GUCY1A2: variants seen among roughly 807,000 people sequenced by gnomAD.
GUCY1A2 encodes guanylate cyclase 1 soluble subunit alpha 2, also known as guanylate cyclase soluble subunit alpha-2.
GUCY1A2 carries 27 observed loss-of-function variants against 63.5 expected under a neutral mutation model. That is an observed-to-expected ratio of 0.43 (90% CI 0.31 to 0.59). The LOEUF (loss-of-function observed/expected upper bound fraction) is 0.59, where lower values mean the gene tolerates loss of function less well. GUCY1A2 is among the 20% of genes least tolerant of loss of function. The pLI is 0.11. For synonymous variants in GUCY1A2, 364 were observed against 343.5 expected (o/e 1.06, Z -0.66); for missense variants, 768 against 913.3 (o/e 0.84, Z 2.05).
At chr11:106,987,231 T>A (rs1861413263) in intron 1 of GUCY1A2, among the ~76,000 whole-genome samples, 1 of 152,256 alleles carries the variant, frequency 6.6e-6, no homozygotes, top group Admixed American at 6.5e-5. Flanking sequence ...GGTAGCCTTC[T>A]ACCTCTAAAA....
At chr11:106,991,120 G>C (rs1252663858) in intron 1 of GUCY1A2, among the ~76,000 whole-genome samples, 1 of 151,878 alleles carries the variant, frequency 6.6e-6, no homozygotes, top group Non-Finnish European at 1.5e-5. Context: ...CTACTGAGGA[G>C]CTGGGATTAC....
At chr11:106,958,432 C>A (rs1167202342) in intron 3 of GUCY1A2, among the ~76,000 whole-genome samples, 1 of 152,068 alleles carries the variant, frequency 6.6e-6, no homozygotes, top group Non-Finnish European at 1.5e-5. Context: ...AATTTTAGTC[C>A]ACTAGTTCTA....
chr11:106,688,486 T>C (rs1320099508), intron 7 of GUCY1A2, among the ~76,000 whole-genome samples: 1 of 152,192 alleles, frequency 6.6e-6, no homozygotes, highest in African/African-American at 2.4e-5. Flanking sequence ...AACAATTCAA[T>C]TTAATTCAAC....
intron 1 of GUCY1A2, among the ~76,000 whole-genome samples, chr11:107,014,205 C>T (rs1465953947): frequency 6.7e-6 from 1 of 149,884 alleles, no homozygotes; most frequent in African/African-American, 2.5e-5. Context: ...TCTCCTGCCT[C>T]AGCCTTTCAA....
intron 4 of GUCY1A2, among the ~76,000 whole-genome samples, chr11:106,841,453 C>T (rs2200655): frequency 0.34 from 52,175 of 151,534 alleles, 9,336 homozygotes; most frequent in East Asian, 0.46. Context: ...ATTTCTGACT[C>T]GACTTAAAGA....
intron 5 of GUCY1A2, among the ~76,000 whole-genome samples, chr11:106,781,867 C>T (rs1344608584): frequency 6.6e-6 from 1 of 152,122 alleles, no homozygotes; most frequent in African/African-American, 2.4e-5. Context: ...CACGCCCATC[C>T]CATTTACCTT....
chr11:106,698,755 T>G (rs1303817700), intron 7 of GUCY1A2, among the ~76,000 whole-genome samples: 1 of 152,216 alleles, frequency 6.6e-6, no homozygotes, highest in Non-Finnish European at 1.5e-5. Flanking sequence ...AGACCTAACC[T>G]AGTTTATAAG....
chr11:106,792,240 G>T (rs1283054191), intron 5 of GUCY1A2, among the ~76,000 whole-genome samples: 2 of 152,034 alleles, frequency 1.3e-5, no homozygotes, highest in Non-Finnish European at 2.9e-5. Context: ...ACAAAAATTA[G>T]CCAGGCTCAG....
intron 3 of GUCY1A2, among the ~76,000 whole-genome samples, chr11:106,956,262 T>C (rs1264733430): frequency 6.6e-6 from 1 of 152,016 alleles, no homozygotes; most frequent in Non-Finnish European, 1.5e-5. Flanking sequence ...TTATTATCCA[T>C]CTTCTGAAGC....
Position 106,685,822 on chromosome 11 carries a change from G to T in GUCY1A2, c.*1727C>A, listed in dbSNP as rs773039090. The T allele has an allele frequency of 5.3e-5, 12 of 226,024 alleles. No homozygotes were observed. The highest frequency in any genetic ancestry group is 1.7e-4 in the Admixed American group (3 of 17,512). The allele number at this position is 226,024 out of a possible 1,614,324, so 14.0% of individuals were successfully genotyped here. A position where few individuals can be genotyped will look rare whatever the true frequency, so the allele number is the denominator to read the frequency against. On this transcript the variant is annotated 3_prime_UTR_variant, in exon 8 of 8. Coordinates refer to ENST00000526355, the MANE Select transcript of GUCY1A2 (RefSeq NM_000855.3). ...TAAAGAGTGTTGCACTCGTGTCCTT[G>T]TAAACCCCCAGGGCAAGAAAATAAC...
intron 5 of GUCY1A2, among the ~76,000 whole-genome samples, chr11:106,792,100 A>G (rs946162943): frequency 1.3e-5 from 2 of 152,146 alleles, no homozygotes; most frequent in Admixed American, 6.6e-5. Context: ...AAGCTTACCC[A>G]CTAACAGCCG....
intron 4 of GUCY1A2, among the ~76,000 whole-genome samples, chr11:106,886,351 G>C (rs1304884791): frequency 6.6e-6 from 1 of 152,086 alleles, no homozygotes; most frequent in African/African-American, 2.4e-5. Flanking sequence ...CAGGCTATAA[G>C]AAGCAGAACA....
intron 1 of GUCY1A2, among the ~76,000 whole-genome samples, chr11:106,996,174 C>A (rs1437906845): frequency 1.3e-5 from 2 of 152,030 alleles, no homozygotes; most frequent in African/African-American, 4.8e-5. Context: ...GCAATAGAAG[C>A]AACATATCTA....
intron 4 of GUCY1A2, among the ~76,000 whole-genome samples, chr11:106,835,906 T>C (rs1037282727): frequency 2.0e-5 from 3 of 151,642 alleles, no homozygotes; most frequent in Non-Finnish European, 4.4e-5. Context: ...TAACCTAAGA[T>C]TAAAAAAATA....
intron 3 of GUCY1A2, among the ~76,000 whole-genome samples, chr11:106,942,906 A>G (rs1330185756): frequency 6.6e-6 from 1 of 152,342 alleles, no homozygotes; most frequent in East Asian, 1.9e-4. Flanking sequence ...TGATGATGCT[A>G]AGGAATACCA....
At chr11:106,983,421 A>C (rs569885442) in intron 2 of GUCY1A2, among the ~76,000 whole-genome samples, 9 of 152,216 alleles carry the variant, frequency 5.9e-5, no homozygotes, top group Admixed American at 4.6e-4. Context: ...ACTCCCTCCC[A>C]GTCCTTCTGT....
At chr11:107,002,455 C>CAT (rs558386106) in intron 1 of GUCY1A2, among the ~76,000 whole-genome samples, 79 of 151,392 alleles carry the variant, frequency 5.2e-4, no homozygotes, top group Admixed American at 1.5e-3. Flanking sequence ...TTTATAACTA[C>CAT]ATATATATAT....
chr11:106,711,272 T>C (rs915572880), intron 6 of GUCY1A2, among the ~76,000 whole-genome samples: 3 of 152,164 alleles, frequency 2.0e-5, no homozygotes, highest in African/African-American at 7.2e-5. Flanking sequence ...AAAAGATGTC[T>C]TTTTTATTAG....
chr11:106,724,071 A>G (rs1321387034), intron 6 of GUCY1A2, among the ~76,000 whole-genome samples: 19 of 152,252 alleles, frequency 1.2e-4, no homozygotes, highest in Admixed American at 1.2e-3. Flanking sequence ...ATGAATAAAC[A>G]GAACAAGCTA....
Sources: allele counts gnomAD v4.1 joint callset (sites outside exome capture counted in the v4.1 genomes callset), GRCh38; gene constraint gnomAD v4.1.1; transcripts MANE v1.5; gene names NCBI Gene and HGNC (gene_info 2026-07-23, HGNC 2026-07-21).